KCNH8: variants seen among roughly 807,000 people sequenced by gnomAD.
KCNH8 encodes potassium voltage-gated channel subfamily H member 8.
Under a neutral mutation model 103.6 loss-of-function variants are expected in KCNH8, and 70 were observed. That is an observed-to-expected ratio of 0.68 (90% confidence interval 0.56 to 0.82). KCNH8 has a LOEUF of 0.82. KCNH8 is among the 40% of genes least tolerant of loss of function. The pLI is 0.00. For synonymous variants in KCNH8, 498 were observed against 489.4 expected (o/e 1.02, Z -0.23); for missense variants, 1,217 against 1,329.9 (o/e 0.92, Z 1.32).
intron 11 of KCNH8, among the ~76,000 whole-genome samples, chr3:19,478,518 A>T (rs1053119533): frequency 1.3e-5 from 2 of 151,896 alleles, no homozygotes; most frequent in African/African-American, 4.8e-5. Context: ...TTTGAAATGC[A>T]CCCCTTTTAA....
intron 15 of KCNH8, among the ~76,000 whole-genome samples, chr3:19,521,272 A>AAAGAG (rs1440806697): frequency 1.3e-5 from 2 of 152,024 alleles, no homozygotes; most frequent in African/African-American, 4.8e-5. Context: ...ACTATGGAAG[A>AAAGAG]AAGAGAATTC....
At chr3:19,503,338 A>C (rs550669056) in intron 11 of KCNH8, among the ~76,000 whole-genome samples, 2 of 152,314 alleles carry the variant, frequency 1.3e-5, no homozygotes, top group East Asian at 1.9e-4. Flanking sequence ...TGGGACTGCA[A>C]CCTAGTTCAA....
At chr3:19,289,940 T>A (rs1373905416) in intron 3 of KCNH8, among the ~76,000 whole-genome samples, 2 of 152,148 alleles carry the variant, frequency 1.3e-5, no homozygotes, top group African/African-American at 4.8e-5. Flanking sequence ...GGTTTGTAGT[T>A]CTCCTTGAAG....
At chr3:19,163,018 G>A (rs538461524) in intron 1 of KCNH8, among the ~76,000 whole-genome samples, 1 of 151,890 alleles carries the variant, frequency 6.6e-6, no homozygotes, top group Non-Finnish European at 1.5e-5. Context: ...GGTCTGTTGT[G>A]AATAGTTTAT....
chr3:19,326,114 C>T (rs1017785841), intron 3 of KCNH8, among the ~76,000 whole-genome samples: 7 of 151,870 alleles, frequency 4.6e-5, no homozygotes, highest in Non-Finnish European at 7.4e-5. Flanking sequence ...TGTTCTTACT[C>T]ATAAGTGGGA....
rs563994756 is a variant in KCNH8 at position 19,378,905 on chromosome 3, C to G, written c.812-11576C>G. On this transcript the variant is annotated intron_variant, in intron 5 of 15. Transcript: ENST00000328405. ...CACAGTCCCTAGAGTTTAGCTGTTG[C>G]ATGTTTTAAATGTATTTCAAGTCTC... 3.4e-4 allele frequency among the ~76,000 whole-genome samples: 52 copies of G among 152,206 alleles called. No homozygotes were observed. In the South Asian group the frequency reaches 9.1e-3, roughly 27 times the overall value.
chr3:19,495,844 T>C (rs527245460), intron 11 of KCNH8, among the ~76,000 whole-genome samples: 6 of 152,310 alleles, frequency 3.9e-5, no homozygotes, highest in African/African-American at 1.2e-4. Context: ...TGGAGTGTTT[T>C]TCCATGTGTT....
intron 3 of KCNH8, among the ~76,000 whole-genome samples, chr3:19,290,901 A>G (rs2064911521): frequency 6.6e-6 from 1 of 152,158 alleles, no homozygotes; most frequent in East Asian, 1.9e-4. Context: ...TAAGCTATTA[A>G]TTATTGCCTG....
chr3:19,474,733 G>C (rs1180902877), intron 11 of KCNH8, among the ~76,000 whole-genome samples: 1 of 152,168 alleles, frequency 6.6e-6, no homozygotes, highest in Non-Finnish European at 1.5e-5. Flanking sequence ...CCACTGTTAA[G>C]ATTAATGTCT....
At chr3:19,355,829 A>G (rs2125325801) in intron 5 of KCNH8, among the ~76,000 whole-genome samples, 1 of 152,090 alleles carries the variant, frequency 6.6e-6, no homozygotes, top group Admixed American at 6.6e-5. Flanking sequence ...GCATGTATAC[A>G]TATGTAACAA....
intron 7 of KCNH8, among the ~76,000 whole-genome samples, chr3:19,411,233 T>C (rs1055170448): frequency 2.0e-5 from 3 of 152,012 alleles, no homozygotes; most frequent in Admixed American, 1.3e-4. Context: ...ATAAATGTGG[T>C]TTACAGCATA....
At chr3:19,359,850 G>A (rs2065925890) in intron 5 of KCNH8, among the ~76,000 whole-genome samples, 1 of 151,966 alleles carries the variant, frequency 6.6e-6, no homozygotes, top group South Asian at 2.1e-4. Flanking sequence ...TGTCTTTGGA[G>A]ATTTAAATAA....
intron 5 of KCNH8, among the ~76,000 whole-genome samples, chr3:19,366,769 G>A (rs1574973260): frequency 6.6e-6 from 1 of 151,906 alleles, no homozygotes; most frequent in Non-Finnish European, 1.5e-5. Context: ...TTTCCTATTG[G>A]AATAACCTCC....
chr3:19,190,499 C>A (rs1193279078), intron 1 of KCNH8, among the ~76,000 whole-genome samples: 2 of 151,830 alleles, frequency 1.3e-5, no homozygotes, highest in Non-Finnish European at 2.9e-5. Context: ...GAAATTAATT[C>A]GACTGTTGAT....
rs2069237847 is a variant in KCNH8 at position 19,534,708 on chromosome 3, T to C, written c.*609T>C. On this transcript the variant is annotated 3_prime_UTR_variant, in exon 16 of 16. Coordinates refer to ENST00000328405, the MANE Select transcript of KCNH8 (RefSeq NM_144633.3). ...CTATTTTTATATCCTTGGTATGAAA[T>C]ATGTATTTAAACTATTTAAATATTT... The C allele has an allele frequency of 6.5e-6, 1 of 152,672 alleles. No individual in the cohort carries two copies. The highest frequency in any genetic ancestry group is 1.9e-4 in the East Asian group (1 of 5,200). The allele number at this position is 152,672 out of a possible 1,614,324, so 9.5% of individuals were successfully genotyped here. A position where few individuals can be genotyped will look rare whatever the true frequency, so the allele number is the denominator to read the frequency against.
At chr3:19,318,743 T>G (rs2065310936) in intron 3 of KCNH8, among the ~76,000 whole-genome samples, 1 of 151,266 alleles carries the variant, frequency 6.6e-6, no homozygotes, top group South Asian at 2.1e-4. Context: ...TTTTCCATAG[T>G]GGTTGTACTA....
intron 11 of KCNH8, among the ~76,000 whole-genome samples, chr3:19,498,382 T>A (rs2068492873): frequency 6.6e-6 from 1 of 152,004 alleles, no homozygotes; most frequent in Non-Finnish European, 1.5e-5. Context: ...TGTTTGTTTG[T>A]TTGTTTTTCT....
At chr3:19,462,363 G>C (rs567035344) in intron 11 of KCNH8, among the ~76,000 whole-genome samples, 151 of 152,254 alleles carry the variant, frequency 9.9e-4, no homozygotes, top group African/African-American at 3.5e-3. Flanking sequence ...ATCTCATTGT[G>C]GTTTTGATTT....
chr3:19,400,100 C>T (rs2066588322), intron 7 of KCNH8, among the ~76,000 whole-genome samples: 1 of 151,706 alleles, frequency 6.6e-6, no homozygotes, highest in South Asian at 2.1e-4. Flanking sequence ...CATGCTCAGA[C>T]ACAGACTGCC....
Sources: allele counts gnomAD v4.1 joint callset (sites outside exome capture counted in the v4.1 genomes callset), GRCh38; gene constraint gnomAD v4.1.1; transcripts MANE v1.5; gene names NCBI Gene and HGNC (gene_info 2026-07-23, HGNC 2026-07-21).